ZNF609: variants seen among roughly 807,000 people sequenced by gnomAD.
ZNF609 encodes the protein zinc finger protein 609.
A neutral mutation model predicts 109.5 loss-of-function variants in ZNF609; 11 were observed. The observed-to-expected ratio is 0.10, with a 90% CI of 0.06 to 0.17. The LOEUF (loss-of-function observed/expected upper bound fraction) is 0.17, where lower values mean the gene tolerates loss of function less well. ZNF609 is among the 10% of genes least tolerant of loss of function. The probability of loss-of-function intolerance (pLI) is 1.00; values close to 1 mark genes in which losing one functional copy is unlikely to be tolerated. For synonymous variants in ZNF609, 646 were observed against 662.0 expected (o/e 0.98, Z 0.37); for missense variants, 1,559 against 1,772.4 (o/e 0.88, Z 2.16).
chr15:64,565,091 G>C (rs573637752), intron 2 of ZNF609, among the ~76,000 whole-genome samples: 3 of 143,360 alleles, frequency 2.1e-5, no homozygotes, highest in African/African-American at 7.8e-5. Context: ...CTTGATTCTC[G>C]GTCTGTCACC....
At chr15:64,520,388 G>C (rs959039237) in intron 2 of ZNF609, among the ~76,000 whole-genome samples, 2 of 152,068 alleles carry the variant, frequency 1.3e-5, no homozygotes, top group Non-Finnish European at 2.9e-5. Flanking sequence ...AGCACTATTT[G>C]CTAAAATATT....
intron 7 of ZNF609, 93 bp from the exon 8 acceptor site, chr15:64,680,553 C>T (rs1896868636): frequency 3.2e-5 from 41 of 1,293,926 alleles, no homozygotes; most frequent in Non-Finnish European, 4.2e-5. Context: ...GCACCCTGGG[C>T]ATCTCACTTG....
At chr15:64,471,195 C>A (rs1275039539) in intron 1 of ZNF609, 2 of 151,920 alleles carry the variant, frequency 1.3e-5, no homozygotes, top group Non-Finnish European at 2.9e-5. Context: ...CCCGTCTCTA[C>A]TAAAAATACA....
At chr15:64,523,505 G>A (rs553511118) in intron 2 of ZNF609, among the ~76,000 whole-genome samples, 2 of 152,284 alleles carry the variant, frequency 1.3e-5, no homozygotes, top group Non-Finnish European at 2.9e-5. Flanking sequence ...GCCGGGCACA[G>A]TGGCTCAAAT....
chr15:64,545,349 C>G (rs1361613356), intron 2 of ZNF609, among the ~76,000 whole-genome samples: 1 of 152,130 alleles, frequency 6.6e-6, no homozygotes, highest in African/African-American at 2.4e-5. Context: ...TAGGCTCACG[C>G]TACCATGCCC....
intron 7 of ZNF609, 32 bp from the exon 8 acceptor site, chr15:64,680,614 T>C (rs1172533435): frequency 6.5e-7 from 1 of 1,537,420 alleles, no homozygotes; most frequent in Non-Finnish European, 8.8e-7. Context: ...TGTCTCACTA[T>C]AGTGCTTTTG....
chr15:64,547,130 A>G (rs1894377740), intron 2 of ZNF609, among the ~76,000 whole-genome samples: 1 of 151,884 alleles, frequency 6.6e-6, no homozygotes, highest in Non-Finnish European at 1.5e-5. Flanking sequence ...AATTTTTAAA[A>G]TTTCATTTTT....
intron 3 of ZNF609, among the ~76,000 whole-genome samples, chr15:64,668,611 C>T (rs374909003): frequency 6.6e-6 from 1 of 151,906 alleles, no homozygotes; most frequent in Non-Finnish European, 1.5e-5. Context: ...AGCTTGAGCC[C>T]GAGTTTGAGC....
intron 2 of ZNF609, among the ~76,000 whole-genome samples, chr15:64,549,241 A>G (rs72742909): frequency 0.048 from 7,321 of 152,146 alleles, 236 homozygotes; most frequent in South Asian, 0.086. Flanking sequence ...TCCAAGCTGG[A>G]GTGCAATGGC....
chr15:64,597,461 C>T (rs1298570242), intron 2 of ZNF609, among the ~76,000 whole-genome samples: 1 of 152,138 alleles, frequency 6.6e-6, no homozygotes, highest in African/African-American at 2.4e-5. Flanking sequence ...TGACCTGCAT[C>T]CTTGGGGTGG....
intron 2 of ZNF609, among the ~76,000 whole-genome samples, chr15:64,538,036 G>A (rs1005218854): frequency 6.6e-6 from 1 of 152,056 alleles, no homozygotes; most frequent in Non-Finnish European, 1.5e-5. Flanking sequence ...AACCTGGGAG[G>A]CGGAAGTTGC....
intron 1 of ZNF609, among the ~76,000 whole-genome samples, chr15:64,491,587 G>A (rs568393753): frequency 1.3e-5 from 2 of 152,260 alleles, no homozygotes; most frequent in Admixed American, 6.5e-5. Context: ...GGTGGCTCAC[G>A]CCTGTAATCC....
chr15:64,654,924 G>A (rs1567040407), intron 3 of ZNF609, among the ~76,000 whole-genome samples: 2 of 151,786 alleles, frequency 1.3e-5, no homozygotes, highest in African/African-American at 4.8e-5. Flanking sequence ...GTGAAACCCT[G>A]TCTCTACTAA....
Position 64,518,469 on chromosome 15 carries a change from A to G in ZNF609, c.747+18303A>G, listed in dbSNP as rs545273263. On this transcript the variant is annotated intron_variant, in intron 2 of 9. Transcript: ENST00000326648. ...GAGTGCTATGGGGTCAGATAGTAGAAGGCCTTAAAAGCCTTGTTAAAGGAT... is the reference window on the plus strand; with the variant it reads ...GAGTGCTATGGGGTCAGATAGTAGAGGGCCTTAAAAGCCTTGTTAAAGGAT... 4.6e-5 allele frequency among the ~76,000 whole-genome samples: 7 copies of G among 152,354 alleles called. No homozygotes were observed. The East Asian group carries it at 1.3e-3, about 29-fold the overall frequency.
chr15:64,628,829 C>T (rs912853537), intron 3 of ZNF609, among the ~76,000 whole-genome samples: 14 of 152,028 alleles, frequency 9.2e-5, no homozygotes, highest in East Asian at 7.9e-4. Context: ...TTTTCCATTT[C>T]GGTCAGGCTG....
intron 2 of ZNF609, among the ~76,000 whole-genome samples, chr15:64,575,824 C>A (rs1346458076): frequency 6.6e-6 from 1 of 152,118 alleles, no homozygotes; most frequent in Non-Finnish European, 1.5e-5. Context: ...TATACTTGGC[C>A]GGGCAAGGTG....
intron 3 of ZNF609, among the ~76,000 whole-genome samples, chr15:64,635,453 A>C (rs1896158912): frequency 6.6e-6 from 1 of 152,290 alleles, no homozygotes; most frequent in South Asian, 2.1e-4. Flanking sequence ...TCGTTTGACT[A>C]TCTGGGCCTT....
chr15:64,595,140 ACCTGAGGTCAGGAGTTTGAGACCAC>A (rs1895370585), intron 2 of ZNF609, among the ~76,000 whole-genome samples: 1 of 150,884 alleles, frequency 6.6e-6, no homozygotes, highest in African/African-American at 2.4e-5. Context: ...CAGGTGGATC[ACCTGAGGTCAGGAGTTTGAGACCAC>A]CCTGGCCAAC....
chr15:64,546,916 G>A (rs1474106547), intron 2 of ZNF609, among the ~76,000 whole-genome samples: 3 of 150,124 alleles, frequency 2.0e-5, no homozygotes, highest in East Asian at 2.0e-4. Flanking sequence ...TCAGCTTCCC[G>A]AGTAGCTGGG....
Sources: allele counts gnomAD v4.1 joint callset (sites outside exome capture counted in the v4.1 genomes callset), GRCh38; gene constraint gnomAD v4.1.1; transcripts MANE v1.5; gene names NCBI Gene and HGNC (gene_info 2026-07-23, HGNC 2026-07-21).